The following SPPL3 variants were observed in gnomAD, a reference collection of about 807,000 sequenced individuals.
The protein encoded by SPPL3 is signal peptide peptidase-like 3.
Under a neutral mutation model 42.4 loss-of-function variants are expected in SPPL3, and 5 were observed. That is an observed-to-expected ratio of 0.12 (90% confidence interval 0.06 to 0.25). The LOEUF (loss-of-function observed/expected upper bound fraction) is 0.25. Among genes scored for constraint, SPPL3 ranks in the 10% least tolerant of loss-of-function variants. SPPL3 has a pLI of 1.00. For missense variants in SPPL3, 235 were observed against 489.0 expected (o/e 0.48, Z 4.90); for synonymous variants, 195 against 181.8 (o/e 1.07, Z -0.58).
chr12:120,772,317 C>T (rs1423070614), intron 6 of SPPL3, among the ~76,000 whole-genome samples: 4 of 152,310 alleles, frequency 2.6e-5, no homozygotes, highest in South Asian at 4.1e-4. Flanking sequence ...CCACCGCGCC[C>T]GGCCCAGTTG....
chr12:120,834,115 A>G (rs562185726), intron 1 of SPPL3, among the ~76,000 whole-genome samples: 16 of 152,304 alleles, frequency 1.1e-4, no homozygotes, highest in African/African-American at 3.8e-4. Context: ...TCACAGTTAG[A>G]ACCAGTTTTA....
chr12:120,855,657 TG>T (rs1872428013), intron 1 of SPPL3, among the ~76,000 whole-genome samples: 1 of 150,122 alleles, frequency 6.7e-6, no homozygotes, highest in South Asian at 2.1e-4. Flanking sequence ...ACTGCACCAC[TG>T]CACTCCAGCC....
At chr12:120,825,431 A>G (rs889279822) in intron 1 of SPPL3, among the ~76,000 whole-genome samples, 1 of 152,190 alleles carries the variant, frequency 6.6e-6, no homozygotes, top group Non-Finnish European at 1.5e-5. Flanking sequence ...ACCTGAAAGG[A>G]GTTTGGCTTG....
chr12:120,863,117 G>A (rs1386139242), intron 1 of SPPL3, among the ~76,000 whole-genome samples: 4 of 152,196 alleles, frequency 2.6e-5, no homozygotes, highest in African/African-American at 7.2e-5. Flanking sequence ...GGAGGCTGAG[G>A]TGGGTGGATC....
chr12:120,823,803 T>C (rs1271246296), intron 1 of SPPL3, among the ~76,000 whole-genome samples: 1 of 152,196 alleles, frequency 6.6e-6, no homozygotes, highest in East Asian at 1.9e-4. Context: ...AACAGAAACA[T>C]AGTGGGGTGA....
chr12:120,835,233 G>C (rs968317231), intron 1 of SPPL3, among the ~76,000 whole-genome samples: 9 of 152,296 alleles, frequency 5.9e-5, no homozygotes, highest in African/African-American at 1.9e-4. Flanking sequence ...GAAGGCAGAA[G>C]GAAGCTCTTA....
At chr12:120,835,191 A>C (rs1439465629) in intron 1 of SPPL3, among the ~76,000 whole-genome samples, 1 of 152,236 alleles carries the variant, frequency 6.6e-6, no homozygotes, top group Non-Finnish European at 1.5e-5. Context: ...GTGCATACTA[A>C]ATGTCTGTAA....
chr12:120,821,177 A>G (rs768897248), intron 1 of SPPL3, among the ~76,000 whole-genome samples: 2 of 152,214 alleles, frequency 1.3e-5, no homozygotes, highest in African/African-American at 4.8e-5. Flanking sequence ...CCTAGGATAG[A>G]TAAGAAAGGA....
chr12:120,902,793 T>C (rs1217003362), intron 1 of SPPL3, among the ~76,000 whole-genome samples: 1 of 152,206 alleles, frequency 6.6e-6, no homozygotes, highest in East Asian at 1.9e-4. Flanking sequence ...CCCCCACTCC[T>C]ACGATCATGC....
At chr12:120,831,342 A>G (rs965281106) in intron 1 of SPPL3, among the ~76,000 whole-genome samples, 2 of 152,010 alleles carry the variant, frequency 1.3e-5, no homozygotes, top group Non-Finnish European at 2.9e-5. Flanking sequence ...TATTGGTTCT[A>G]TTTCTCTGGA....
At chr12:120,885,043 G>A (rs1873410206) in intron 1 of SPPL3, among the ~76,000 whole-genome samples, 1 of 151,998 alleles carries the variant, frequency 6.6e-6, no homozygotes, top group Admixed American at 6.6e-5. Flanking sequence ...ACTGCAGACT[G>A]CACTCAGTTG....
rs1307257580 is a variant in SPPL3 at position 120,904,178 on chromosome 12, G to A, written c.-311C>T. 7.5e-6 allele frequency: 2 copies of A among 268,006 alleles called. No individual in the cohort carries two copies. The highest frequency in any genetic ancestry group is 1.4e-5 in the Non-Finnish European group (2 of 144,288). 16.6% of individuals were successfully genotyped at this position (268,006 alleles called of 1,614,324 possible). On this transcript the variant is annotated 5_prime_UTR_variant, in exon 1 of 11. Coordinates refer to ENST00000353487, the MANE Select transcript of SPPL3 (RefSeq NM_139015.5). The stretch of plus-strand genomic sequence containing the variant: ...CGGCGGCGGCGCGGAGAACAAGGGG[G>A]CCCTGGGGCGGGCGAACGGCAAGAC...
intron 2 of SPPL3, among the ~76,000 whole-genome samples, chr12:120,793,401 T>C (rs947121019): frequency 2.6e-5 from 4 of 152,074 alleles, no homozygotes; most frequent in African/African-American, 9.7e-5. Context: ...CAGGCTGAGG[T>C]AGGAGATCAC....
At chr12:120,769,904 T>C (rs1158811037) in intron 6 of SPPL3, 1 of 151,196 alleles carries the variant, frequency 6.6e-6, no homozygotes, top group Non-Finnish European at 1.5e-5. Flanking sequence ...CACAATCTGT[T>C]CCCCCCCTCC....
intron 1 of SPPL3, among the ~76,000 whole-genome samples, chr12:120,878,502 C>T (rs1042573163): frequency 8.5e-5 from 13 of 152,316 alleles, no homozygotes; most frequent in Admixed American, 2.6e-4. Context: ...AAGCTAAACG[C>T]TAATGGGCTG....
intron 1 of SPPL3, among the ~76,000 whole-genome samples, chr12:120,837,184 T>G (rs75149734): frequency 1.3e-5 from 2 of 152,360 alleles, no homozygotes; most frequent in East Asian, 3.9e-4. Context: ...CTGATGTTAA[T>G]AAGTACTAGC....
At chr12:120,823,945 A>G (rs1466822006) in intron 1 of SPPL3, among the ~76,000 whole-genome samples, 4 of 150,916 alleles carry the variant, frequency 2.7e-5, no homozygotes, top group Non-Finnish European at 5.9e-5. Context: ...ATCTCAGCTC[A>G]CTGCAAGCTC....
chr12:120,791,149 CA>C lies in SPPL3; in HGVS notation c.190+319del, dbSNP rs565450177. 2.5e-3 allele frequency among the ~76,000 whole-genome samples: 385 copies of C among 152,202 alleles called. 6 individuals carry two copies. The highest frequency in any genetic ancestry group is 9.0e-3 in the African/African-American group (372 of 41,538). On this transcript the variant is annotated intron_variant, in intron 3 of 10. Coordinates refer to ENST00000353487, the MANE Select transcript of SPPL3 (RefSeq NM_139015.5). The stretch of plus-strand genomic sequence containing the variant: ...TGGCACTTTTTAAAGAACATCTTGG[CA>C]AAAATTTCTCTTGTACTTTTGCATC...
At chr12:120,782,874 G>C (rs1291881887) in intron 5 of SPPL3, 107 bp from the exon 6 acceptor site, 6 of 800,938 alleles carry the variant, frequency 7.5e-6, no homozygotes, top group African/African-American at 1.7e-5. Flanking sequence ...ATAATACCAA[G>C]ATAGCTGGAA....
Sources: allele counts gnomAD v4.1 joint callset (sites outside exome capture counted in the v4.1 genomes callset), GRCh38; gene constraint gnomAD v4.1.1; transcripts MANE v1.5; gene names NCBI Gene and HGNC (gene_info 2026-07-23, HGNC 2026-07-21).